Variants in SHANK2 observed in about 807,000 individuals in gnomAD.
SHANK2 encodes the protein SH3 and multiple ankyrin repeat domains 2.
In SHANK2, 43 loss-of-function variants were observed where a neutral mutation model predicts 133.7. The ratio of observed to expected loss-of-function variants is 0.32; its 90% CI spans 0.25 to 0.41. The LOEUF (loss-of-function observed/expected upper bound fraction) is 0.41. Among genes scored for constraint, SHANK2 ranks in the 10% least tolerant of loss-of-function variants. SHANK2 has a pLI of 1.00. For missense variants in SHANK2, 1,994 were observed against 2,235.8 expected (o/e 0.89, Z 2.18); for synonymous variants, 1,017 against 952.8 (o/e 1.07, Z -1.24).
At chr11:71,181,779 C>T (rs1170315266) in intron 2 of SHANK2, among the ~76,000 whole-genome samples, 1 of 152,154 alleles carries the variant, frequency 6.6e-6, no homozygotes. Flanking sequence ...TCCTGGACGC[C>T]GTCAGAGCCA....
At chr11:71,099,344 G>A (rs367940520) in intron 6 of SHANK2, among the ~76,000 whole-genome samples, 5 of 152,270 alleles carry the variant, frequency 3.3e-5, no homozygotes, top group Admixed American at 1.3e-4. Context: ...TGTGAGAAGC[G>A]TACCATACGA....
At chr11:70,883,425 G>C (rs1356910734) in intron 11 of SHANK2, among the ~76,000 whole-genome samples, 1 of 152,178 alleles carries the variant, frequency 6.6e-6, no homozygotes, top group African/African-American at 2.4e-5. Flanking sequence ...ACAGCCAAAA[G>C]TCCAGCTCCT....
chr11:70,550,438 A>T (rs2059749786), intron 17 of SHANK2, among the ~76,000 whole-genome samples: 1 of 152,088 alleles, frequency 6.6e-6, no homozygotes, highest in African/African-American at 2.4e-5. Context: ...GTTTTTGGCA[A>T]ATGCTGCGTT....
chr11:70,704,206 C>A (rs1945610333), intron 14 of SHANK2, among the ~76,000 whole-genome samples: 1 of 152,278 alleles, frequency 6.6e-6, no homozygotes. Flanking sequence ...ACCCTGGACA[C>A]AGCCATGCCT....
intron 14 of SHANK2, among the ~76,000 whole-genome samples, chr11:70,774,560 TC>T (rs1373307111): frequency 6.6e-6 from 1 of 152,160 alleles, no homozygotes; most frequent in Non-Finnish European, 1.5e-5. Flanking sequence ...CCTCAGGTGA[TC>T]CGCCCGCCTT....
chr11:70,480,762 C>T (rs952263723), intron 25 of SHANK2, among the ~76,000 whole-genome samples: 1 of 152,238 alleles, frequency 6.6e-6, no homozygotes, highest in Admixed American at 6.5e-5. Flanking sequence ...CTAGCCTCAG[C>T]CTGGCACTAG....
At chr11:71,241,845 C>G (rs1162034416) in intron 1 of SHANK2, among the ~76,000 whole-genome samples, 1 of 152,226 alleles carries the variant, frequency 6.6e-6, no homozygotes, top group Non-Finnish European at 1.5e-5. Context: ...TAAAAGATCT[C>G]AGCTTTAGTA....
At chr11:70,736,054 T>C (rs1946397567) in intron 14 of SHANK2, among the ~76,000 whole-genome samples, 1 of 151,078 alleles carries the variant, frequency 6.6e-6, no homozygotes, top group South Asian at 2.1e-4. Context: ...TAGACAAGGA[T>C]GGGCAAACTA....
intron 14 of SHANK2, among the ~76,000 whole-genome samples, chr11:70,763,519 G>A (rs1474064887): frequency 5.9e-5 from 9 of 152,144 alleles, no homozygotes; most frequent in Admixed American, 4.6e-4. Context: ...TGAGCTGCTC[G>A]GGACCAGGCT....
At chr11:70,618,967 G>T (rs947594075) in intron 17 of SHANK2, among the ~76,000 whole-genome samples, 2 of 152,186 alleles carry the variant, frequency 1.3e-5, no homozygotes, top group Non-Finnish European at 2.9e-5. Flanking sequence ...GGAGATGGAC[G>T]GGGTGAATCA....
intron 2 of SHANK2, among the ~76,000 whole-genome samples, chr11:71,153,180 G>T (rs1373680263): frequency 6.6e-6 from 1 of 151,810 alleles, no homozygotes; most frequent in African/African-American, 2.4e-5. Flanking sequence ...AGCCGAAGAC[G>T]CAATCTGAAA....
At chr11:71,174,907 T>C (rs1298821729) in intron 2 of SHANK2, 1 of 152,170 alleles carries the variant, frequency 6.6e-6, no homozygotes, top group African/African-American at 2.4e-5. Flanking sequence ...TAGATTCCAA[T>C]GCTGGGGCTC....
At chr11:70,568,490 C>G (rs1554982384) in intron 17 of SHANK2, among the ~76,000 whole-genome samples, 1 of 152,144 alleles carries the variant, frequency 6.6e-6, no homozygotes, top group East Asian at 1.9e-4. Context: ...GGCTGCAATC[C>G]TCGGAGCTCC....
chr11:70,815,598 T>C (rs1171555641), intron 12 of SHANK2, among the ~76,000 whole-genome samples: 1 of 152,178 alleles, frequency 6.6e-6, no homozygotes, highest in African/African-American at 2.4e-5. Context: ...CGCTCGCCAT[T>C]GTGCAAGCTG....
intron 17 of SHANK2, among the ~76,000 whole-genome samples, chr11:70,596,691 C>A (rs574291606): frequency 6.6e-6 from 1 of 152,336 alleles, no homozygotes; most frequent in African/African-American, 2.4e-5. Flanking sequence ...TCCTTCCTGC[C>A]TTCCCTGGGC....
intron 10 of SHANK2, among the ~76,000 whole-genome samples, chr11:70,951,592 G>A (rs11238070): frequency 5.4e-4 from 24 of 44,552 alleles, no homozygotes; most frequent in East Asian, 2.4e-3. Flanking sequence ...TGGCTGCTGT[G>A]CTGTGACATC....
chr11:70,934,246 CA>C (rs11411212), intron 10 of SHANK2, among the ~76,000 whole-genome samples: 58 of 114,054 alleles, frequency 5.1e-4, no homozygotes, highest in Admixed American at 1.0e-3. Context: ...ACAACACCAC[CA>C]AAAAAAAAAA....
rs546868027 is a variant in SHANK2, at chr11:70,870,939, G to A, written c.1174+25562C>T. ...ACTACAGGCACCCGCCACCACGCCCGGCTAATCTTTGTATTTTTAGTAGAG... is the reference window on the plus strand; with the variant it reads ...ACTACAGGCACCCGCCACCACGCCCAGCTAATCTTTGTATTTTTAGTAGAG... On this transcript the variant is annotated intron_variant, in intron 11 of 25. Coordinates refer to ENST00000601538, the MANE Select transcript of SHANK2 (RefSeq NM_012309.5). 1.4e-4 allele frequency among the ~76,000 whole-genome samples: 22 copies of A among 152,230 alleles called. No homozygotes were observed. In the South Asian group the frequency reaches 2.1e-3, roughly 14 times the overall value.
chr11:70,582,447 C>T (rs2060196637), intron 17 of SHANK2, among the ~76,000 whole-genome samples: 1 of 152,262 alleles, frequency 6.6e-6, no homozygotes, highest in Admixed American at 6.5e-5. Flanking sequence ...CACTCAGCTT[C>T]CCTGTGGAGT....
Sources: gnomAD v4.1 joint callset for allele counts (sites outside exome capture counted in the v4.1 genomes callset) on GRCh38, gnomAD v4.1.1 for gene constraint, MANE v1.5 for transcripts, NCBI Gene and HGNC (gene_info 2026-07-23, HGNC 2026-07-21) for gene names.